The following MFRP variants were observed in gnomAD, a reference collection of about 807,000 sequenced individuals.
MFRP encodes the protein membrane frizzled-related protein.
MFRP carries 74 observed loss-of-function variants against 65.8 expected under a neutral mutation model. The observed-to-expected ratio is 1.12, with a 90% CI of 0.93 to 1.36. The LOEUF (loss-of-function observed/expected upper bound fraction) is 1.36. Among genes scored for constraint, MFRP ranks in the 40% most tolerant of loss-of-function variants. The pLI is 0.00. For missense variants in MFRP, 838 were observed against 736.0 expected (o/e 1.14, Z -1.60); for synonymous variants, 336 against 288.3 (o/e 1.17, Z -1.68).
rs779390261 is a variant in MFRP at position 119,339,709 on chromosome 11, C to T, written c.*1250G>A. 50 of 1,604,260 alleles carry T rather than the reference C, an allele frequency of 3.1e-5. 1 individual carries two copies. Among genetic ancestry groups the T allele is most frequent in the Non-Finnish European group, 3.8e-5 (45 of 1,178,758 alleles). On this transcript the variant is annotated 3_prime_UTR_variant, in exon 15 of 15. Coordinates refer to ENST00000619721, the MANE Select transcript of MFRP (RefSeq NM_031433.4). The surrounding 1 kb of genome is among the most constrained non-coding windows in gnomAD (Gnocchi z 5.4). ...GGTCGAAGGGCAAGGGTGCGTCAGA[C>T]GGCGGAGGCACCCGGCTCTCGGAGC...
Position 119,345,407 on chromosome 11 carries a change from C to T in MFRP, c.641+13G>A. On this transcript the variant is annotated intron_variant, in intron 5 of 14. Coordinates refer to ENST00000619721, the MANE Select transcript of MFRP (RefSeq NM_031433.4). ...AGGACACGGTGGGATGTCCTGGGGACAGAGGGACCTACCTGAGGAGGGGGC... is the reference window on the plus strand; with the variant it reads ...AGGACACGGTGGGATGTCCTGGGGATAGAGGGACCTACCTGAGGAGGGGGC... 6.2e-7 allele frequency: 1 copy of T among 1,613,320 alleles called. No individual in the cohort carries two copies. The highest frequency in any genetic ancestry group is 8.5e-7 in the Non-Finnish European group (1 of 1,179,600).
intron 5 of MFRP, 92 bp from the exon 6 acceptor site, chr11:119,345,096 A>C: frequency 6.7e-7 from 1 of 1,498,562 alleles, no homozygotes; most frequent in Non-Finnish European, 9.0e-7. Flanking sequence ...TATTTTCTCA[A>C]CCCCCAAACT....
chr11:119,339,989 C>T lies in MFRP; in HGVS notation c.*1111-141G>A, dbSNP rs1950484072. The T allele has an allele frequency of 7.7e-7, 1 of 1,305,554 alleles. No homozygotes were observed. The highest frequency in any genetic ancestry group is 1.6e-5 in the South Asian group (1 of 62,466). 80.9% of individuals were successfully genotyped at this position (1,305,554 alleles called of 1,614,324 possible). A position where few individuals can be genotyped will look rare whatever the true frequency, so the allele number is the denominator to read the frequency against. On this transcript the variant is annotated intron_variant, in intron 14 of 14. Transcript: ENST00000619721. The surrounding 1 kb of genome is among the most constrained non-coding windows in gnomAD (Gnocchi z 5.4). ...TCCTCCCGCACGGGTACCTCCTCCA[C>T]CCCTTCCCGCAGGGCAGATCTGGGG... is the stretch of plus-strand genomic sequence containing the variant.
chr11:119,341,441 A>G lies in MFRP; in HGVS notation c.*107T>C, dbSNP rs1950501360. 41 of 936,374 alleles carry G rather than the reference A, an allele frequency of 4.4e-5. No individual in the cohort carries two copies. The South Asian group carries it at 6.1e-4, about 14-fold the overall frequency. 58.0% of individuals were successfully genotyped at this position (936,374 alleles called of 1,614,324 possible). A position where few individuals can be genotyped will look rare whatever the true frequency, so the allele number is the denominator to read the frequency against. On this transcript the variant is annotated 3_prime_UTR_variant, in exon 13 of 15. Transcript: ENST00000619721. Reference sequence around the variant, plus strand: ...TTCCCCCTCCCTGGGAGCCCCAGAGAAGGATGGGTAGAGACCCTGCTGATG... The same window carrying G: ...TTCCCCCTCCCTGGGAGCCCCAGAGGAGGATGGGTAGAGACCCTGCTGATG...
intron 9 of MFRP, 123 bp downstream of exon 9, chr11:119,343,693 C>G (rs992892799): frequency 1.6e-6 from 2 of 1,248,868 alleles, no homozygotes; most frequent in Admixed American, 3.4e-5. Context: ...GTGAAGAGAC[C>G]CCCGGCCTGG....
In MFRP at chr11:119,341,623, T is replaced by C; in HGVS notation, c.1665A>G (p.Leu555=). 6.2e-7 allele frequency: 1 copy of C among 1,612,956 alleles called. No homozygotes were observed. Among genetic ancestry groups the C allele is most frequent in the Non-Finnish European group, 8.5e-7 (1 of 1,179,994 alleles). Residue 555 remains leucine, a synonymous_variant, in exon 13 of 15, where the codon CTA becomes CTG. Transcript: ENST00000619721. ...AEHQCQSGLA[L]LGTPWPFNCN... ...AGTTGAAGGGCCAGGGGGTGCCCAG[T>C]AGTGCCAGGCCAGACTGGCACTGGT...
In MFRP at chr11:119,341,929, G is replaced by A; in HGVS notation, c.1443C>T (p.Thr481=). The A allele has an allele frequency of 6.2e-7, 1 of 1,614,018 alleles. No homozygotes were observed. Among genetic ancestry groups the A allele is most frequent in the African/African-American group, 1.3e-5 (1 of 75,040 alleles). Residue 481 remains threonine, a synonymous_variant, in exon 12 of 15, where the codon ACC becomes ACT. Coordinates refer to ENST00000619721, the MANE Select transcript of MFRP (RefSeq NM_031433.4). ...CCACCCAGATGTTAGGGAAGGCTGT[G>A]GTGTTGTAGCTCAGACCGAGGCACA... ...VEMCLGLSYN[T]TAFPNIWVGM... is the part of the protein sequence containing the mutation.
Position 119,342,600 on chromosome 11 carries a change from G to T in MFRP, c.1383C>A (p.Pro461=). ...CCCCAGGGGCAGGCTTCTCACCTGG[G>T]GGTGGGAACAAGGGGCCGCTGCAGT... ...DDNCSGPLFP[P]PELACEPVQV... Residue 461 remains proline, a synonymous_variant, in exon 11 of 15, where the codon CCC becomes CCA. Transcript: ENST00000619721. The T allele has an allele frequency of 6.2e-7, 1 of 1,613,162 alleles. No homozygotes were observed. Among genetic ancestry groups the T allele is most frequent in the South Asian group, 1.1e-5 (1 of 91,048 alleles).
chr11:119,345,726 C>G, intron 4 of MFRP, 47 bp downstream of exon 4: 1 of 1,613,196 alleles, frequency 6.2e-7, no homozygotes, highest in Non-Finnish European at 8.5e-7. Context: ...CAACCCCACC[C>G]CGTCATCTTG....
In MFRP at chr11:119,339,277, A is replaced by G; in HGVS notation, c.*1682T>C. 6.4e-7 allele frequency: 1 copy of G among 1,571,800 alleles called. No homozygotes were observed. Among genetic ancestry groups the G allele is most frequent in the Non-Finnish European group, 8.6e-7 (1 of 1,156,472 alleles). ...AGCCCTCCTGGATGACCTGGTTGTC[A>G]GCCTCACACCCTCCTTCTAGGAGTG... On this transcript the variant is annotated 3_prime_UTR_variant, in exon 15 of 15. Coordinates refer to ENST00000619721, the MANE Select transcript of MFRP (RefSeq NM_031433.4). The surrounding 1 kb of genome is among the most constrained non-coding windows in gnomAD (Gnocchi z 5.4).
chr11:119,345,098 C>T, intron 5 of MFRP, 94 bp from the exon 6 acceptor site: 2 of 1,495,410 alleles, frequency 1.3e-6, no homozygotes, highest in East Asian at 2.4e-5. Flanking sequence ...TTTTCTCAAC[C>T]CCCAAACTGG....
In MFRP at chr11:119,342,927, C is replaced by T; in HGVS notation, c.1201G>A (p.Gly401Ser). 1 of 1,612,784 alleles carries T rather than the reference C, an allele frequency of 6.2e-7. No homozygotes were observed. Among genetic ancestry groups the T allele is most frequent in the Non-Finnish European group, 8.5e-7 (1 of 1,179,824 alleles). Reference protein sequence around the residue: ...ELAVLFRTDHGISSGGFSATY... With the variant: ...ELAVLFRTDHSISSGGFSATY... ...GCTGAGAAGCCTCCACTGCTGATGC[C>T]ATGATCTGTCCTAAACAGCACAGCC... The change falls in exon 10 of 15, where the codon GGC becomes AGC. Residue 401 changes from glycine (G) to serine (S), a missense_variant. Physicochemically the swap from Gly to Ser is moderately conservative, Grantham distance 56. Coordinates refer to ENST00000619721, the MANE Select transcript of MFRP (RefSeq NM_031433.4).
chr11:119,343,948 A>G lies in MFRP; in HGVS notation c.992T>C (p.Ile331Thr), dbSNP rs756893264. 1.9e-6 allele frequency: 3 copies of G among 1,612,830 alleles called. No homozygotes were observed. Among genetic ancestry groups the G allele is most frequent in the Non-Finnish European group, 2.5e-6 (3 of 1,179,944 alleles). Residue 331 changes from isoleucine (I) to threonine (T), a missense_variant, in exon 9 of 15, where the codon ATC becomes ACC. Ile to Thr is a moderately conservative substitution (Grantham distance 89). Coordinates refer to ENST00000619721, the MANE Select transcript of MFRP (RefSeq NM_031433.4). Reference sequence around the variant, plus strand: ...TATGCTGTGTCCGGCAGGCACCGAGATATGCCAGGTGCAGAGCTGGGGGAG... The same window carrying G: ...TATGCTGTGTCCGGCAGGCACCGAGGTATGCCAGGTGCAGAGCTGGGGGAG... The part of the protein sequence containing the change: ...YPHQLLCTWH[I>T]SVPAGHSIEL...
In MFRP at chr11:119,339,287, C is replaced by A. The variant is rs1377100762; in HGVS notation, c.*1672G>T. ...GATGACCTGGTTGTCAGCCTCACAC[C>A]CTCCTTCTAGGAGTGAGAGCATGAG... is the stretch of plus-strand genomic sequence containing the variant. On this transcript the variant is annotated 3_prime_UTR_variant, in exon 15 of 15. Transcript: ENST00000619721. The surrounding 1 kb of genome is among the most constrained non-coding windows in gnomAD (Gnocchi z 5.4). The A allele has an allele frequency of 3.1e-6, 5 of 1,589,684 alleles. No homozygotes were observed. Among genetic ancestry groups the A allele is most frequent in the South Asian group, 1.1e-5 (1 of 88,096 alleles).
chr11:119,346,533 C>T lies in MFRP; in HGVS notation c.-20G>A. ...CTTCATGGCACAAGGCTCTGCATGG[C>T]TTTCTGGAGTCCCTGTGACAGCCCA... On this transcript the variant is annotated 5_prime_UTR_variant, in exon 1 of 15. Coordinates refer to ENST00000619721, the MANE Select transcript of MFRP (RefSeq NM_031433.4). 1 of 1,613,662 alleles carries T rather than the reference C, an allele frequency of 6.2e-7. No individual in the cohort carries two copies. The highest frequency in any genetic ancestry group is 8.5e-7 in the Non-Finnish European group (1 of 1,179,822).
At chr11:119,340,522 C>T (rs925509347) in intron 13 of MFRP, 82 bp from the exon 14 acceptor site, 14 of 1,026,120 alleles carry the variant, frequency 1.4e-5, no homozygotes, top group Admixed American at 1.3e-4. Flanking sequence ...CCCAGTCGGT[C>T]CCCACCCCAC....
Position 119,346,036 on chromosome 11 carries a change from G to T in MFRP, c.271+10C>A. The T allele has an allele frequency of 6.2e-7, 1 of 1,611,322 alleles. No individual in the cohort carries two copies. The highest frequency in any genetic ancestry group is 8.5e-7 in the Non-Finnish European group (1 of 1,178,862). ...AAAGCCCTCGTTTCAAGCTGTCCCC[G>T]GGTACTTACGGGCCAGGATGATGGC... On this transcript the variant is annotated intron_variant, in intron 3 of 14. Transcript: ENST00000619721.
At chr11:119,344,283 C>T (rs765045731) in intron 8 of MFRP, 32 bp downstream of exon 8, 1 of 1,599,416 alleles carries the variant, frequency 6.3e-7, no homozygotes, top group East Asian at 2.2e-5. Flanking sequence ...CCGTGTGTGC[C>T]CCTCCCGTTC....
Position 119,339,270 on chromosome 11 carries a change from G to T in MFRP, c.*1689C>A. The stretch of plus-strand genomic sequence containing the variant: ...GGGGGCCAGCCCTCCTGGATGACCT[G>T]GTTGTCAGCCTCACACCCTCCTTCT... On this transcript the variant is annotated 3_prime_UTR_variant, in exon 15 of 15. Transcript: ENST00000619721. This position sits in a 1 kb window ranked among gnomAD's most constrained non-coding sequence, Gnocchi z 5.4. 6.4e-7 allele frequency: 1 copy of T among 1,563,364 alleles called. No homozygotes were observed. The highest frequency in any genetic ancestry group is 8.7e-7 in the Non-Finnish European group (1 of 1,150,198).
Sources: gnomAD v4.1 joint callset for allele counts on GRCh38, gnomAD v4.1.1 for gene constraint, Gnocchi (gnomAD v3.1) non-coding constraint, MANE v1.5 for transcripts, NCBI Gene and HGNC (gene_info 2026-07-23, HGNC 2026-07-21) for gene names.